The following CLEC4F variants were observed in gnomAD, a reference collection of about 807,000 sequenced individuals.
The protein encoded by CLEC4F is C-type (calcium dependent, carbohydrate-recognition domain) lectin, superfamily member 13.
A neutral mutation model predicts 53.4 loss-of-function variants in CLEC4F; 45 were observed. The observed-to-expected ratio is 0.84, with a 90% CI of 0.66 to 1.08. The LOEUF (loss-of-function observed/expected upper bound fraction) is 1.08. CLEC4F is among the 50% of genes least tolerant of loss of function. The pLI is 0.00. For missense variants in CLEC4F, 753 were observed against 698.2 expected (o/e 1.08, Z -0.88); for synonymous variants, 245 against 257.5 (o/e 0.95, Z 0.46).
At position 70,809,832 on chromosome 2, in the gene CLEC4F, T is replaced by C; in HGVS notation, c.1565A>G (p.Lys522Arg). ...EQAFLVEFTS[K>R]VYYWIGLTDR... ...AGTGAGACCGATCCAGTAGTACACTTTACTTGTGAACTCTACCAGAAATGC... is the reference window on the plus strand; with the variant it reads ...AGTGAGACCGATCCAGTAGTACACTCTACTTGTGAACTCTACCAGAAATGC... The change falls in exon 6 of 7, where the codon AAA becomes AGA. Residue 522 changes from lysine (K) to arginine (R), a missense_variant. Physicochemically the swap from Lys to Arg is conservative, Grantham distance 26. Transcript: ENST00000272367. 6.2e-7 allele frequency: 1 copy of C among 1,613,372 alleles called. No individual in the cohort carries two copies. Among genetic ancestry groups the C allele is most frequent in the African/African-American group, 1.3e-5 (1 of 75,026 alleles).
Position 70,819,909 on chromosome 2 carries a change from GTGTCCAAGGTGAGAGGGTGC to G in CLEC4F, c.62-38_62-19del. 2.0e-6 allele frequency: 3 copies of G among 1,519,930 alleles called. No individual in the cohort carries two copies. The highest frequency in any genetic ancestry group is 2.7e-6 in the Non-Finnish European group (3 of 1,122,278). 94.2% of individuals were successfully genotyped at this position (1,519,930 alleles called of 1,614,324 possible). A position where few individuals can be genotyped will look rare whatever the true frequency, so the allele number is the denominator to read the frequency against. ...GTCCACCTCTGCAGGGGAGAAGGCAGTGTCCAAGGTGAGAGGGTGCTGTGCAAGGTAAGAGGGTGCTGTGC... is the reference window on the plus strand; with the variant it reads ...GTCCACCTCTGCAGGGGAGAAGGCAGTGTGCAAGGTAAGAGGGTGCTGTGC... On this transcript the variant is annotated intron_variant, in intron 1 of 6. Coordinates refer to ENST00000272367, the MANE Select transcript of CLEC4F (RefSeq NM_173535.3).
At position 70,809,350 on chromosome 2, in the gene CLEC4F, T is replaced by C. The variant is rs2287101; in HGVS notation, c.1691A>G (p.Lys564Arg). The change falls in exon 7 of 7, where the codon AAG (lysine) becomes AGG (arginine). Residue 564 changes from lysine to arginine, a missense_variant. By Grantham distance (26) the Lys-to-Arg change is conservative (BLOSUM62 2). Transcript: ENST00000272367. ...CATCCCAGAATTCACAATAATATAC[T>C]TTCTGAGTGGGCAGGATCCCTTGGA... ...PGSKGSCPLRKYIIVNSGMGA... is the reference protein window; with the variant it reads ...PGSKGSCPLRRYIIVNSGMGA... 103,446 of 1,612,424 alleles carry C rather than the reference T, an allele frequency of 0.064. 7,330 individuals carry two copies. The highest frequency in any genetic ancestry group is 0.31 in the African/African-American group (23,102 of 74,868).
Position 70,811,275 on chromosome 2 carries a change from C to A in CLEC4F, c.1539+1172G>T. On this transcript the variant is annotated intron_variant, in intron 5 of 6. Transcript: ENST00000272367. ...GTCTTAAATGTCATACTTCCATACA[C>A]CTTCATCTTGGCCTTTAGGTGCTTC... 3.9e-6 allele frequency: 4 copies of A among 1,024,384 alleles called. No individual in the cohort carries two copies. In the Admixed American group the frequency reaches 5.4e-5, roughly 14 times the overall value. The allele number at this position is 1,024,384 out of a possible 1,614,324, so 63.5% of individuals were successfully genotyped here.
At chr2:70,813,451 C>A (rs74394346) in intron 4 of CLEC4F, among the ~76,000 whole-genome samples, 2,170 of 151,912 alleles carry the variant, frequency 0.014, 58 homozygotes, top group African/African-American at 0.05. Context: ...AGGAAGGACA[C>A]CCTGGATGAG....
In CLEC4F at chr2:70,819,865, C is replaced by T. The variant is rs782493411; in HGVS notation, c.88G>A (p.Ala30Thr). 15 of 1,601,770 alleles carry T rather than the reference C, an allele frequency of 9.4e-6. No individual in the cohort carries two copies. The highest frequency in any genetic ancestry group is 1.3e-5 in the Non-Finnish European group (15 of 1,174,772). ...QEVDSVAMAP[A>T]APKIPRLVQA... ...ACGAGCCTCGGTATCTTGGGGGCTG[C>T]AGGAGCCATTGCCACAGAGTCCACC... The change falls in exon 2 of 7, where the codon GCA (alanine) becomes ACA (threonine). Residue 30 changes from alanine (A) to threonine (T), a missense_variant. Transcript: ENST00000272367.
chr2:70,820,712 G>C, upstream of CLEC4F: 2 of 552,066 alleles, frequency 3.6e-6, no homozygotes, highest in South Asian at 2.3e-5. Flanking sequence ...TCCCCTAGAG[G>C]CTCCCAGATA....
At chr2:70,810,008 G>A (rs1484835410) in intron 5 of CLEC4F, 151 bp from the exon 6 acceptor site, 5 of 619,936 alleles carry the variant, frequency 8.1e-6, no homozygotes, top group Admixed American at 5.3e-5. Flanking sequence ...TCTCATTTGG[G>A]GAAAGTTAAG....
At chr2:70,811,577 T>C (rs1370005356) in intron 5 of CLEC4F, 1 of 321,270 alleles carries the variant, frequency 3.1e-6, no homozygotes. Context: ...AACAGGGGGG[T>C]AGGCAGTTCT....
intron 3 of CLEC4F, among the ~76,000 whole-genome samples, chr2:70,817,671 A>T (rs1474074383): frequency 6.6e-6 from 1 of 152,202 alleles, no homozygotes; most frequent in Non-Finnish European, 1.5e-5. Context: ...AGAAAACACA[A>T]AGGAAAGAAA....
At chr2:70,823,176 A>C (rs1341830566), upstream of CLEC4F, among the ~76,000 whole-genome samples, 1 of 152,116 alleles carries the variant, frequency 6.6e-6, no homozygotes, top group African/African-American at 2.4e-5. Flanking sequence ...CAATGTGTAG[A>C]GTGCAGAGCC....
rs1283640774 is a variant in CLEC4F, at chr2:70,820,546, C to A, written c.-23G>T. 3.2e-6 allele frequency: 5 copies of A among 1,571,242 alleles called. No homozygotes were observed. In the African/African-American group the frequency reaches 5.4e-5, roughly 17 times the overall value. On this transcript the variant is annotated 5_prime_UTR_variant, in exon 1 of 7. Transcript: ENST00000272367. ...CATCTCTGCTTCCTTGATCCTCCAGCACTGCTCCCAGCCACTGGCTCCTGG... is the reference window on the plus strand; with the variant it reads ...CATCTCTGCTTCCTTGATCCTCCAGAACTGCTCCCAGCCACTGGCTCCTGG...
chr2:70,813,633 T>C (rs183552510), intron 4 of CLEC4F, among the ~76,000 whole-genome samples: 43 of 146,330 alleles, frequency 2.9e-4, no homozygotes, highest in African/African-American at 1.1e-3. Context: ...CTTTCTTTCT[T>C]TCTTTCTTTC....
Position 70,812,568 on chromosome 2 carries a change from C to A in CLEC4F, c.1418G>T (p.Trp473Leu). The A allele has an allele frequency of 6.2e-7, 1 of 1,614,194 alleles. No individual in the cohort carries two copies. The highest frequency in any genetic ancestry group is 1.7e-5 in the Admixed American group (1 of 60,030). The change falls in exon 5 of 7, where the codon TGG (tryptophan) becomes TTG (leucine). Residue 473 changes from tryptophan to leucine, a missense_variant. By Grantham distance (61) the Trp-to-Leu change is moderately conservative. Transcript: ENST00000272367. Reference protein sequence around the residue: ...SQLLQMVLQGWKFNGGSLYYF... With the variant: ...SQLLQMVLQGLKFNGGSLYYF... ...ATATAAGCTTCCACCATTGAACTTC[C>A]AGCCTTGCAGGACCATCTGGAGAAG...
chr2:70,810,618 C>CAAAAAA (rs58138583), intron 5 of CLEC4F, among the ~76,000 whole-genome samples: 866 of 48,678 alleles, frequency 0.018, 58 homozygotes, highest in African/African-American at 0.051. Flanking sequence ...AACTCTGTCG[C>CAAAAAA]AAAAAAAAAA....
chr2:70,810,470 T>C (rs1371648533), intron 5 of CLEC4F, among the ~76,000 whole-genome samples: 11 of 151,720 alleles, frequency 7.3e-5, no homozygotes, highest in African/African-American at 2.7e-4. Flanking sequence ...AATACAAAAA[T>C]TAGCTGGGCA....
In CLEC4F at chr2:70,816,865, G is replaced by A. The variant is rs374364611; in HGVS notation, c.516C>T (p.Ser172=). Residue 172 remains serine, a synonymous_variant, in exon 4 of 7, where the codon TCC becomes TCT. Transcript: ENST00000272367. ...LSLQTQMLRS[S]LEGTNAEIQR... ...GGATCTCAGCATTGGTTCCCTCCAGGGAACTCCTTAACATCTGTGTCTGCA... is the reference window on the plus strand; with the variant it reads ...GGATCTCAGCATTGGTTCCCTCCAGAGAACTCCTTAACATCTGTGTCTGCA... 4 of 1,614,118 alleles carry A rather than the reference G, an allele frequency of 2.5e-6. No homozygotes were observed. Among genetic ancestry groups the A allele is most frequent in the East Asian group, 4.5e-5 (2 of 44,884 alleles).
At chr2:70,809,530 A>G (rs1676424056) in intron 6 of CLEC4F, 148 bp from the exon 7 acceptor site, 2 of 868,656 alleles carry the variant, frequency 2.3e-6, no homozygotes, top group African/African-American at 3.4e-5. Context: ...CACACATCAC[A>G]CACATACCAC....
upstream of CLEC4F, among the ~76,000 whole-genome samples, chr2:70,821,291 C>T (rs1677210195): frequency 6.6e-6 from 1 of 152,176 alleles, no homozygotes; most frequent in South Asian, 2.1e-4. Flanking sequence ...CTTAGGACTA[C>T]ACTTGGGTTT....
At chr2:70,824,962 T>C (rs1410396513), upstream of CLEC4F, among the ~76,000 whole-genome samples, 5 of 152,122 alleles carry the variant, frequency 3.3e-5, no homozygotes, top group Non-Finnish European at 7.3e-5. Flanking sequence ...AAAAGTTCAG[T>C]ACAGGAAAAG....
Sources: allele counts gnomAD v4.1 joint callset (sites outside exome capture counted in the v4.1 genomes callset), GRCh38; gene constraint gnomAD v4.1.1; transcripts MANE v1.5; gene names NCBI Gene and HGNC (gene_info 2026-07-23, HGNC 2026-07-21).